The following SVOP variants were observed in gnomAD, a reference collection of about 807,000 sequenced individuals.
The protein encoded by SVOP is SV2 related protein.
Under a neutral mutation model 69.1 loss-of-function variants are expected in SVOP, and 17 were observed. The observed-to-expected ratio is 0.25, with a 90% CI of 0.17 to 0.37. SVOP has a LOEUF of 0.37. SVOP is among the 10% of genes least tolerant of loss of function. SVOP has a pLI of 1.00. For synonymous variants in SVOP, 238 were observed against 238.6 expected (o/e 1.00, Z 0.02); for missense variants, 435 against 597.5 (o/e 0.73, Z 2.84).
chr12:108,938,666 T>A (rs886080037), intron 9 of SVOP, among the ~76,000 whole-genome samples, 161 bp downstream of exon 9: 1 of 152,238 alleles, frequency 6.6e-6, no homozygotes, highest in African/African-American at 2.4e-5. Context: ...TTGCAGGTCC[T>A]GTCTACTGGG....
At chr12:108,936,840 G>T (rs2039859405) in intron 10 of SVOP, 1 of 180,264 alleles carries the variant, frequency 5.5e-6, no homozygotes, top group Admixed American at 5.7e-5. Context: ...AGTTACTTTT[G>T]CTGATATTTC....
intron 3 of SVOP, chr12:108,978,303 A>G (rs1020039324): frequency 2.6e-6 from 1 of 385,680 alleles, no homozygotes; most frequent in Admixed American, 4.3e-5. Context: ...TGACATCATA[A>G]TCTCATAGTA....
At chr12:108,944,959 A>C (rs941773499) in intron 7 of SVOP, 144 bp downstream of exon 7, 13 of 691,010 alleles carry the variant, frequency 1.9e-5, no homozygotes, top group Non-Finnish European at 2.9e-5. Context: ...GAAATGATGT[A>C]ACTGATCCTT....
At chr12:108,989,636 G>A (rs923810063) in intron 1 of SVOP, among the ~76,000 whole-genome samples, 2 of 152,128 alleles carry the variant, frequency 1.3e-5, no homozygotes, top group Non-Finnish European at 2.9e-5. Context: ...TCCCAGACAA[G>A]GTGGCTCCCC....
At position 108,962,275 on chromosome 12, in the gene SVOP, A is replaced by G. The variant is rs1294909942; in HGVS notation, c.454-1228T>C. 4.0e-5 allele frequency among the ~76,000 whole-genome samples: 6 copies of G among 151,652 alleles called. No homozygotes were observed. In the East Asian group the frequency reaches 1.2e-3, roughly 29 times the overall value. Reference sequence around the variant, plus strand: ...CACCATGCCTGGCTAATTTTTGTATATTTTATAGACATGGGGTTTCACCAT... The same window carrying G: ...CACCATGCCTGGCTAATTTTTGTATGTTTTATAGACATGGGGTTTCACCAT... On this transcript the variant is annotated intron_variant, in intron 5 of 15. Transcript: ENST00000610966.
At chr12:108,932,918 G>A (rs959265357) in intron 11 of SVOP, among the ~76,000 whole-genome samples, 1 of 151,714 alleles carries the variant, frequency 6.6e-6, no homozygotes, top group African/African-American at 2.4e-5. Flanking sequence ...TCACTCTGTC[G>A]CCTAGGCTGG....
At chr12:109,000,173 G>C (rs1055226608) in intron 1 of SVOP, among the ~76,000 whole-genome samples, 8 of 152,130 alleles carry the variant, frequency 5.3e-5, no homozygotes, top group East Asian at 1.9e-4. Context: ...TCAGAGAATA[G>C]TACAAACACC....
At position 108,978,316 on chromosome 12, in the gene SVOP, C is replaced by T. The variant is rs185966909; in HGVS notation, c.282+262G>A. 5.4e-4 allele frequency: 233 copies of T among 430,354 alleles called. 1 individual carries two copies. The highest frequency in any genetic ancestry group is 4.2e-3 in the African/African-American group (205 of 49,216). The allele number at this position is 430,354 out of a possible 1,614,324, so 26.7% of individuals were successfully genotyped here. A position where few individuals can be genotyped will look rare whatever the true frequency, so the allele number is the denominator to read the frequency against. ...GCTGACATCATAATCTCATAGTAGCCCTGAGCCCAAAGAGTTGAAAGCCAC... is the reference window on the plus strand; with the variant it reads ...GCTGACATCATAATCTCATAGTAGCTCTGAGCCCAAAGAGTTGAAAGCCAC... On this transcript the variant is annotated intron_variant, in intron 3 of 15. Coordinates refer to ENST00000610966, the MANE Select transcript of SVOP (RefSeq NM_018711.5).
intron 1 of SVOP, among the ~76,000 whole-genome samples, chr12:109,001,444 A>G (rs1466527482): frequency 6.6e-6 from 1 of 151,454 alleles, no homozygotes; most frequent in Admixed American, 6.6e-5. Flanking sequence ...TCTTCACAGA[A>G]TTGGAAAAAA....
At chr12:108,927,497 TC>T (rs1388093633) in intron 11 of SVOP, among the ~76,000 whole-genome samples, 2 of 151,886 alleles carry the variant, frequency 1.3e-5, no homozygotes, top group Non-Finnish European at 2.9e-5. Context: ...TGTCTCCCCT[TC>T]CCCCCAAATA....
chr12:108,953,806 C>T (rs1487742267), intron 6 of SVOP, among the ~76,000 whole-genome samples: 1 of 151,982 alleles, frequency 6.6e-6, no homozygotes, highest in Admixed American at 6.6e-5. Context: ...TATTTGCCCT[C>T]CTCACAGATA....
intron 6 of SVOP, among the ~76,000 whole-genome samples, chr12:108,959,729 T>C (rs2040006715): frequency 6.6e-6 from 1 of 152,214 alleles, no homozygotes; most frequent in Non-Finnish European, 1.5e-5. Context: ...AGCTACGGCT[T>C]CCTCTTTTCA....
intron 1 of SVOP, among the ~76,000 whole-genome samples, chr12:108,987,289 T>C (rs1446927738): frequency 6.6e-6 from 1 of 152,196 alleles, no homozygotes; most frequent in African/African-American, 2.4e-5. Flanking sequence ...CCCTCCTTTT[T>C]AAGGCTGAAT....
chr12:109,013,953 G>A (rs1451994997), intron 1 of SVOP, among the ~76,000 whole-genome samples: 1 of 151,364 alleles, frequency 6.6e-6, no homozygotes. Flanking sequence ...GTCTTTTTGT[G>A]ACTGCTTTAT....
At chr12:108,989,886 T>C (rs566415419) in intron 1 of SVOP, among the ~76,000 whole-genome samples, 1 of 152,372 alleles carries the variant, frequency 6.6e-6, no homozygotes, top group South Asian at 2.1e-4. Context: ...CAACTAGTTA[T>C]TGAGCATTTG....
intron 7 of SVOP, among the ~76,000 whole-genome samples, chr12:108,943,860 TTCTTCC>T (rs1265317421): frequency 7.4e-6 from 1 of 135,204 alleles, no homozygotes; most frequent in Non-Finnish European, 1.6e-5. Context: ...TCCCTTCCTC[TTCTTCC>T]TCTTCCTCTT....
At chr12:108,971,352 C>G (rs1376418401) in intron 5 of SVOP, among the ~76,000 whole-genome samples, 1 of 151,564 alleles carries the variant, frequency 6.6e-6, no homozygotes, top group Non-Finnish European at 1.5e-5. Context: ...TCACTTGAAC[C>G]CAGGAGGCCG....
At chr12:108,940,381 T>C (rs925745755) in intron 8 of SVOP, among the ~76,000 whole-genome samples, 3 of 152,232 alleles carry the variant, frequency 2.0e-5, no homozygotes, top group Non-Finnish European at 2.9e-5. Flanking sequence ...TTTAAACTCC[T>C]GGAGCCAGCC....
At chr12:108,941,007 G>C in intron 7 of SVOP, 98 bp from the exon 8 acceptor site, 1 of 1,449,472 alleles carries the variant, frequency 6.9e-7, no homozygotes, top group Non-Finnish European at 9.2e-7. Context: ...TGTGGGTAAG[G>C]GGTCATCGGA....
Sources: allele counts gnomAD v4.1 joint callset (sites outside exome capture counted in the v4.1 genomes callset), GRCh38; gene constraint gnomAD v4.1.1; transcripts MANE v1.5; gene names NCBI Gene and HGNC (gene_info 2026-07-23, HGNC 2026-07-21).